Variants in GLP1R observed in about 807,000 individuals in gnomAD.
GLP1R encodes the protein glucagon like peptide 1 receptor.
Under a neutral mutation model 68.4 loss-of-function variants are expected in GLP1R, and 32 were observed. That is an observed-to-expected ratio of 0.47 (90% CI 0.35 to 0.63). The LOEUF is 0.63. Among genes scored for constraint, GLP1R ranks in the 20% least tolerant of loss-of-function variants. The pLI, the probability that GLP1R is intolerant of heterozygous loss-of-function variation, is 0.00. For synonymous variants in GLP1R, 263 were observed against 244.4 expected, an observed-to-expected ratio of 1.08 and a Z score of -0.71; for missense variants, 502 against 594.9, an observed-to-expected ratio of 0.84 and a Z score of 1.62.
Position 39,065,697 on chromosome 6 carries a change from T to G in GLP1R, c.284-14T>G. ...TTCTGGGCTGAGGCTCAGGGCCAGG[T>G]CTCCCCACCCCAGTGCCGCAGGGCC... On this transcript the variant is annotated splice_polypyrimidine_tract_variant and intron_variant, in intron 3 of 12. Transcript: ENST00000373256. 6.5e-7 allele frequency: 1 copy of G among 1,531,514 alleles called. No homozygotes were observed. Among genetic ancestry groups the G allele is most frequent in the Non-Finnish European group, 8.9e-7 (1 of 1,127,224 alleles). The allele number at this position is 1,531,514 out of a possible 1,614,324, so 94.9% of individuals were successfully genotyped here.
intron 12 of GLP1R, among the ~76,000 whole-genome samples, chr6:39,081,072 A>T (rs1344479894): frequency 6.6e-6 from 1 of 152,030 alleles, no homozygotes; most frequent in Non-Finnish European, 1.5e-5. Flanking sequence ...CAACACACAC[A>T]TACCCAAGCC....
At position 39,056,371 on chromosome 6, in the gene GLP1R, G is replaced by A. The variant is rs771236944; in HGVS notation, c.79-26G>A. The A allele has an allele frequency of 3.2e-6, 4 of 1,239,072 alleles. No homozygotes were observed. In the Admixed American group the frequency reaches 5.1e-5, roughly 16 times the overall value. 76.8% of individuals were successfully genotyped at this position (1,239,072 alleles called of 1,614,324 possible). On this transcript the variant is annotated intron_variant, in intron 1 of 12. Coordinates refer to ENST00000373256, the MANE Select transcript of GLP1R (RefSeq NM_002062.5). ...GGAGAGGGGCTGGCTGAACCCACAG[G>A]CCTCCCATATATGCCCTCCCCCCAG... is the stretch of plus-strand genomic sequence containing the variant.
At chr6:39,062,063 G>A (rs536680346) in intron 3 of GLP1R, among the ~76,000 whole-genome samples, 3 of 152,204 alleles carry the variant, frequency 2.0e-5, no homozygotes, top group Non-Finnish European at 4.4e-5. Context: ...AGGAGCTAAT[G>A]GATTCATGAG....
At chr6:39,066,169 GT>G in intron 4 of GLP1R, 27 bp from the exon 5 acceptor site, 1 of 1,261,170 alleles carries the variant, frequency 7.9e-7, no homozygotes, top group East Asian at 2.3e-5. Flanking sequence ...GGCTGCCCAT[GT>G]ACACGTATGT....
intron 3 of GLP1R, among the ~76,000 whole-genome samples, chr6:39,059,161 G>T (rs1386605868): frequency 1.3e-5 from 2 of 152,234 alleles, no homozygotes; most frequent in Non-Finnish European, 2.9e-5. Flanking sequence ...GCCCATCAGT[G>T]GCCTGCCTTC....
chr6:39,084,510 T>C (rs757041383), intron 12 of GLP1R, among the ~76,000 whole-genome samples: 1 of 152,128 alleles, frequency 6.6e-6, no homozygotes, highest in South Asian at 2.1e-4. Flanking sequence ...GGAAGGGCTA[T>C]GAAACAAGCC....
At position 39,066,272 on chromosome 6, in the gene GLP1R, G is replaced by T. The variant is rs199825566; in HGVS notation, c.478G>T (p.Val160Phe). Reference sequence around the variant, plus strand: ...CTACGCACTCTCCTTCTCTGCTCTGGTTATCGCCTCTGCGATCCTCCTCGG... The same window carrying T: ...CTACGCACTCTCCTTCTCTGCTCTGTTTATCGCCTCTGCGATCCTCCTCGG... The part of the protein sequence containing the change: ...VGYALSFSAL[V>F]IASAILLGFR... The change falls in exon 5 of 13, where the codon GTT becomes TTT. Residue 160 changes from valine (V) to phenylalanine (F), a missense_variant. Physicochemically the swap from Val to Phe is conservative, Grantham distance 50. Transcript: ENST00000373256. 6.2e-7 allele frequency: 1 copy of T among 1,612,312 alleles called. No homozygotes were observed. Among genetic ancestry groups the T allele is most frequent in the East Asian group, 2.2e-5 (1 of 44,850 alleles).
chr6:39,058,642 T>TATCATCATCATCATCATCATCATC (rs112102888), intron 3 of GLP1R, among the ~76,000 whole-genome samples: 6 of 149,880 alleles, frequency 4.0e-5, no homozygotes, highest in South Asian at 2.2e-4. Flanking sequence ...GATATTTCCC[T>TATCATCATCATCATCATCATCATC]ATCATCATCA....
intron 12 of GLP1R, among the ~76,000 whole-genome samples, chr6:39,083,493 C>T (rs890086038): frequency 9.2e-5 from 14 of 152,090 alleles, no homozygotes; most frequent in African/African-American, 3.1e-4. Context: ...TGCTGGTGGG[C>T]GTGAGTGGGG....
chr6:39,050,308 G>A (rs13215087), intron 1 of GLP1R, among the ~76,000 whole-genome samples: 27,387 of 152,128 alleles, frequency 0.18, 3,198 homozygotes, highest in Non-Finnish European at 0.26. Context: ...TACGGACTGG[G>A]TTGGGATAGG....
intron 3 of GLP1R, among the ~76,000 whole-genome samples, chr6:39,059,078 C>A (rs1430680322): frequency 6.6e-6 from 1 of 152,224 alleles, no homozygotes; most frequent in Non-Finnish European, 1.5e-5. Context: ...GTCTCCTTGT[C>A]CACACTCACA....
Position 39,073,606 on chromosome 6 carries a change from C to T in GLP1R, c.664-4C>T, listed in dbSNP as rs201891160. 1 of 1,613,508 alleles carries T rather than the reference C, an allele frequency of 6.2e-7. No individual in the cohort carries two copies. Among genetic ancestry groups the T allele is most frequent in the Non-Finnish European group, 8.5e-7 (1 of 1,179,734 alleles). ...TCCCCATGACACCCTTCCTCTACCC[C>T]CAGGACTCTCTGAGCTGCCGCCTGG... On this transcript the variant is annotated splice_polypyrimidine_tract_variant and splice_region_variant and intron_variant, in intron 6 of 12. Transcript: ENST00000373256.
At chr6:39,055,466 G>A (rs1034420984) in intron 1 of GLP1R, among the ~76,000 whole-genome samples, 4 of 152,194 alleles carry the variant, frequency 2.6e-5, no homozygotes, top group Admixed American at 2.0e-4. Flanking sequence ...ACACTCAGAA[G>A]GAATGGTGGA....
chr6:39,054,610 C>T (rs73414415), intron 1 of GLP1R, among the ~76,000 whole-genome samples: 33 of 152,286 alleles, frequency 2.2e-4, no homozygotes, highest in African/African-American at 7.5e-4. Flanking sequence ...ATGGCGCTGT[C>T]GTTAACCCCT....
At chr6:39,060,060 C>T (rs1349454264) in intron 3 of GLP1R, among the ~76,000 whole-genome samples, 3 of 152,218 alleles carry the variant, frequency 2.0e-5, no homozygotes, top group Non-Finnish European at 4.4e-5. Flanking sequence ...CTCTGCTGCC[C>T]TCTCCTCACT....
At chr6:39,069,325 A>G (rs1465490716) in intron 5 of GLP1R, among the ~76,000 whole-genome samples, 2 of 152,154 alleles carry the variant, frequency 1.3e-5, no homozygotes, top group Non-Finnish European at 2.9e-5. Flanking sequence ...AACCACTTAG[A>G]TAATCTCTGT....
chr6:39,081,297 G>A (rs574666510), intron 12 of GLP1R, among the ~76,000 whole-genome samples: 1 of 152,324 alleles, frequency 6.6e-6, no homozygotes, highest in Admixed American at 6.5e-5. Flanking sequence ...TGTGGAAATA[G>A]TGGCATGGCA....
intron 7 of GLP1R, among the ~76,000 whole-genome samples, chr6:39,077,689 G>A (rs1425303379): frequency 6.6e-6 from 1 of 151,906 alleles, no homozygotes; most frequent in Non-Finnish European, 1.5e-5. Context: ...CCATCTTAGA[G>A]GCTGTCTACT....
intron 1 of GLP1R, among the ~76,000 whole-genome samples, chr6:39,051,745 T>C (rs1411039034): frequency 6.6e-6 from 1 of 151,832 alleles, no homozygotes; most frequent in Non-Finnish European, 1.5e-5. Flanking sequence ...TTCCCAGGTA[T>C]GTGTGAGTGA....
Sources: gnomAD v4.1 joint callset for allele counts (sites outside exome capture counted in the v4.1 genomes callset) on GRCh38, gnomAD v4.1.1 for gene constraint, MANE v1.5 for transcripts, NCBI Gene and HGNC (gene_info 2026-07-23, HGNC 2026-07-21) for gene names.